The following ERBB4 variants were observed in gnomAD, a reference collection of about 807,000 sequenced individuals.
ERBB4 encodes receptor tyrosine-protein kinase erbB-4.
A neutral mutation model predicts 158.0 loss-of-function variants in ERBB4; 42 were observed. That is an observed-to-expected ratio of 0.27 (90% CI 0.21 to 0.34). The LOEUF is 0.34. Among genes scored for constraint, ERBB4 ranks in the 10% least tolerant of loss-of-function variants. The probability of loss-of-function intolerance (pLI) is 1.00; values close to 1 mark genes in which losing one functional copy is unlikely to be tolerated. For missense variants in ERBB4, 1,333 were observed against 1,624.1 expected, an observed-to-expected ratio of 0.82 and a Z score of 3.08; for synonymous variants, 583 against 558.7, an observed-to-expected ratio of 1.04 and a Z score of -0.61.
chr2:211,803,552 T>C (rs2076547084), intron 3 of ERBB4, among the ~76,000 whole-genome samples: 1 of 152,140 alleles, frequency 6.6e-6, no homozygotes, highest in Admixed American at 6.5e-5. Context: ...AAAAGAGCAC[T>C]GACTGCTCAG....
At chr2:211,773,623 TATATA>T (rs1206411513) in intron 4 of ERBB4, among the ~76,000 whole-genome samples, 2 of 66,580 alleles carry the variant, frequency 3.0e-5, no homozygotes, top group African/African-American at 6.9e-5. Context: ...TATATATATA[TATATA>T]TATATATATA....
intron 5 of ERBB4, among the ~76,000 whole-genome samples, chr2:211,725,824 A>AAAGGAAGG (rs56406991): frequency 1.7e-4 from 26 of 150,500 alleles, no homozygotes; most frequent in Admixed American, 2.0e-4. Flanking sequence ...ACGAGGAAAG[A>AAAGGAAGG]AAGGAAGGAA....
In ERBB4 at chr2:211,570,339, TTTTTC is replaced by T. The variant is rs1384565633; in HGVS notation, c.2302-8256_2302-8252del. 2.7e-4 allele frequency among the ~76,000 whole-genome samples: 40 copies of T among 147,030 alleles called. 1 individual carries two copies. The highest frequency in any genetic ancestry group is 9.5e-4 in the African/African-American group (38 of 40,078). On this transcript the variant is annotated intron_variant, in intron 19 of 27. Transcript: ENST00000342788. ...GCTAATTTTTGCTTTTTTTTTTTTT[TTTTTC>T]TCAGTAGAGACAAGGTTTTACCATG...
intron 4 of ERBB4, 121 bp downstream of exon 4, chr2:211,787,904 T>C (rs2076201948): frequency 6.4e-6 from 6 of 942,658 alleles, no homozygotes; most frequent in Admixed American, 1.9e-5. Flanking sequence ...CATATATAAC[T>C]GAACATTTCA....
At chr2:211,416,217 T>A (rs1051355139) in intron 25 of ERBB4, among the ~76,000 whole-genome samples, 1 of 152,210 alleles carries the variant, frequency 6.6e-6, no homozygotes, top group African/African-American at 2.4e-5. Context: ...GCCACATCAG[T>A]TTATTCACTA....
chr2:211,436,161 G>T (rs1358294666), intron 20 of ERBB4, among the ~76,000 whole-genome samples: 1 of 152,064 alleles, frequency 6.6e-6, no homozygotes, highest in Non-Finnish European at 1.5e-5. Context: ...TAGTACTTTG[G>T]CAGAAAAAAA....
At chr2:211,718,759 A>C (rs1329447448) in intron 7 of ERBB4, among the ~76,000 whole-genome samples, 2 of 152,220 alleles carry the variant, frequency 1.3e-5, no homozygotes, top group Admixed American at 6.5e-5. Flanking sequence ...CCACTAACAC[A>C]GTGAAAAGAT....
chr2:212,448,519 C>T (rs2092397920), intron 1 of ERBB4, among the ~76,000 whole-genome samples: 1 of 151,948 alleles, frequency 6.6e-6, no homozygotes, highest in Non-Finnish European at 1.5e-5. Flanking sequence ...GCATTTATAG[C>T]ATAGTGGGAG....
chr2:211,470,765 T>C (rs1027648224), intron 20 of ERBB4, among the ~76,000 whole-genome samples: 2 of 152,230 alleles, frequency 1.3e-5, no homozygotes, highest in African/African-American at 4.8e-5. Context: ...TCTGTATTTC[T>C]ACACATCTCA....
At chr2:212,029,356 G>A (rs764573468) in intron 2 of ERBB4, among the ~76,000 whole-genome samples, 6 of 151,886 alleles carry the variant, frequency 4.0e-5, no homozygotes, top group Non-Finnish European at 8.8e-5. Flanking sequence ...TCTTTCGTGG[G>A]CTAAGCTCCA....
At chr2:212,415,834 A>G (rs567531430) in intron 1 of ERBB4, among the ~76,000 whole-genome samples, 46 of 152,210 alleles carry the variant, frequency 3.0e-4, no homozygotes, top group African/African-American at 9.9e-4. Context: ...TTGATATCCA[A>G]ATGTGGAATG....
intron 2 of ERBB4, among the ~76,000 whole-genome samples, chr2:212,103,245 T>C (rs1170309128): frequency 6.6e-6 from 1 of 152,130 alleles, no homozygotes; most frequent in Non-Finnish European, 1.5e-5. Context: ...CATGTTCAGG[T>C]AAGCTGAAAG....
At chr2:212,369,363 G>A (rs930483138) in intron 1 of ERBB4, among the ~76,000 whole-genome samples, 3 of 152,004 alleles carry the variant, frequency 2.0e-5, no homozygotes, top group Non-Finnish European at 2.9e-5. Context: ...ACCCTGGTAC[G>A]CATTTGACTT....
In ERBB4 at chr2:211,861,111, T is replaced by TTTA. The variant is rs1553648399; in HGVS notation, c.422-72953_422-72952insTAA. The stretch of plus-strand genomic sequence containing the variant: ...AAATATATAAATACATTATATATAT[T>TTTA]TATATATATATTTTATATATATATA... On this transcript the variant is annotated intron_variant, in intron 3 of 27. Coordinates refer to ENST00000342788, the MANE Select transcript of ERBB4 (RefSeq NM_005235.3). Among the ~76,000 whole-genome samples the TTTA allele has an allele frequency of 1.6e-3, 35 of 21,536 alleles. 2 individuals are homozygous for TTTA. The highest frequency in any genetic ancestry group is 7.4e-3 in the African/African-American group (31 of 4,204). 14.1% of individuals were successfully genotyped at this position (21,536 alleles called of 152,430 possible).
At chr2:212,121,652 C>T (rs907210144) in intron 2 of ERBB4, among the ~76,000 whole-genome samples, 1 of 152,214 alleles carries the variant, frequency 6.6e-6, no homozygotes, top group South Asian at 2.1e-4. Context: ...TCTACCTCTC[C>T]AGTGGAGTAT....
In ERBB4 at chr2:211,972,720, G is replaced by T. The variant is rs377308844; in HGVS notation, c.235-25104C>A. ...CAGCCATATGTAGAAGACTGAAACT[G>T]AACCCATTCCTTATGCCACATACAC... On this transcript the variant is annotated intron_variant, in intron 2 of 27. Transcript: ENST00000342788. 9.9e-5 allele frequency among the ~76,000 whole-genome samples: 15 copies of T among 152,250 alleles called. No homozygotes were observed. In the East Asian group the frequency reaches 2.5e-3, roughly 25 times the overall value.
intron 2 of ERBB4, among the ~76,000 whole-genome samples, chr2:212,119,858 TAAGGA>T (rs1332485608): frequency 6.6e-6 from 1 of 152,144 alleles, no homozygotes; most frequent in African/African-American, 2.4e-5. Context: ...TAACAAAGAT[TAAGGA>T]AAGTATCTAC....
intron 4 of ERBB4, among the ~76,000 whole-genome samples, chr2:211,773,648 A>ATATATAAT (rs1411130961): frequency 4.2e-5 from 3 of 71,906 alleles, no homozygotes. Context: ...ATATATATAT[A>ATATATAAT]ATATATATAC....
At chr2:211,758,782 C>T (rs2075342039) in intron 4 of ERBB4, among the ~76,000 whole-genome samples, 1 of 152,190 alleles carries the variant, frequency 6.6e-6, no homozygotes, top group South Asian at 2.1e-4. Context: ...GTGTGCAGTG[C>T]ACAACCTGTT....
Sources: gnomAD v4.1 joint callset for allele counts (sites outside exome capture counted in the v4.1 genomes callset) on GRCh38, gnomAD v4.1.1 for gene constraint, MANE v1.5 for transcripts, NCBI Gene and HGNC (gene_info 2026-07-23, HGNC 2026-07-21) for gene names.